Variants in NLGN1 observed in about 807,000 individuals in gnomAD.
NLGN1 encodes neuroligin 1, also known as neuroligin-1.
Under a neutral mutation model 65.5 loss-of-function variants are expected in NLGN1, and 12 were observed. The ratio of observed to expected loss-of-function variants is 0.18; its 90% CI spans 0.12 to 0.30. The LOEUF (loss-of-function observed/expected upper bound fraction) is 0.30. Ranked by LOEUF, NLGN1 falls within the 10% of genes least tolerant of loss-of-function variation. The pLI is 1.00. For synonymous variants in NLGN1, 350 were observed against 359.5 expected, an observed-to-expected ratio of 0.97 and a Z score of 0.30; for missense variants, 750 against 1,007.1, an observed-to-expected ratio of 0.74 and a Z score of 3.46.
intron 4 of NLGN1, among the ~76,000 whole-genome samples, chr3:173,837,149 A>G (rs1723780094): frequency 6.6e-6 from 1 of 152,126 alleles, no homozygotes; most frequent in Non-Finnish European, 1.5e-5. Flanking sequence ...CTTTTTCCCC[A>G]AACTAAACAT....
At chr3:173,458,484 A>G (rs954222155) in intron 2 of NLGN1, among the ~76,000 whole-genome samples, 1 of 152,000 alleles carries the variant, frequency 6.6e-6, no homozygotes, top group African/African-American at 2.4e-5. Context: ...GATCATTTAA[A>G]TATGCTCAAA....
chr3:174,127,463 C>A (rs1719182237), intron 4 of NLGN1, among the ~76,000 whole-genome samples: 1 of 152,086 alleles, frequency 6.6e-6, no homozygotes, highest in Non-Finnish European at 1.5e-5. Flanking sequence ...AACAATAGCC[C>A]CTGCATTTTT....
At chr3:173,408,679 G>A (rs970706904) in intron 1 of NLGN1, among the ~76,000 whole-genome samples, 4 of 152,294 alleles carry the variant, frequency 2.6e-5, no homozygotes, top group African/African-American at 4.8e-5. Flanking sequence ...TTGGGAGGCC[G>A]AGGCGGGCGG....
At chr3:173,922,726 G>A (rs1742281504) in intron 4 of NLGN1, among the ~76,000 whole-genome samples, 1 of 151,958 alleles carries the variant, frequency 6.6e-6, no homozygotes, top group Admixed American at 6.6e-5. Flanking sequence ...AACTACTTTG[G>A]CTTCTATTCT....
intron 2 of NLGN1, among the ~76,000 whole-genome samples, chr3:173,516,353 A>G (rs1034426794): frequency 2.6e-5 from 4 of 151,988 alleles, no homozygotes; most frequent in Non-Finnish European, 5.9e-5. Flanking sequence ...CTTTTCATAT[A>G]CTGTCTTCAT....
At chr3:174,112,833 A>G (rs1715535947) in intron 4 of NLGN1, among the ~76,000 whole-genome samples, 1 of 151,954 alleles carries the variant, frequency 6.6e-6, no homozygotes, top group Non-Finnish European at 1.5e-5. Flanking sequence ...CACGGTGATT[A>G]GTATATAGTA....
chr3:173,788,229 A>G lies in NLGN1; in HGVS notation c.494-19451A>G, dbSNP rs566134592. 1.4e-3 allele frequency among the ~76,000 whole-genome samples: 200 copies of G among 147,200 alleles called. 1 individual carries two copies. Among genetic ancestry groups the G allele is most frequent in the African/African-American group, 4.9e-3 (192 of 39,088 alleles). Reference sequence around the variant, plus strand: ...TGCAAAAAAAAAAAAAAAAAAAAAGAAAAAGTTTATTTTTATCTTTACTTG... The same window carrying G: ...TGCAAAAAAAAAAAAAAAAAAAAAGGAAAAGTTTATTTTTATCTTTACTTG... On this transcript the variant is annotated intron_variant, in intron 3 of 6. Coordinates refer to ENST00000457714, the Ensembl canonical transcript of NLGN1.
intron 4 of NLGN1, among the ~76,000 whole-genome samples, chr3:174,255,153 T>TA (rs1002431931): frequency 6.6e-6 from 1 of 152,064 alleles, no homozygotes; most frequent in Non-Finnish European, 1.5e-5. Flanking sequence ...AGCGAAACCT[T>TA]AGAGACAGAA....
chr3:174,110,737 T>C (rs2152616476), intron 4 of NLGN1, among the ~76,000 whole-genome samples: 1 of 152,128 alleles, frequency 6.6e-6, no homozygotes, highest in Non-Finnish European at 1.5e-5. Context: ...GATGACTTTT[T>C]CCCTAAATTA....
chr3:173,435,641 C>T (rs977259004), intron 2 of NLGN1, among the ~76,000 whole-genome samples: 2 of 152,126 alleles, frequency 1.3e-5, no homozygotes, highest in Admixed American at 6.5e-5. Context: ...TCAAGACCAT[C>T]CTAGCCAACA....
exon 7 of NLGN1, chr3:174,283,332 G>T (rs1410141112): frequency 6.6e-6 from 1 of 151,176 alleles, no homozygotes; most frequent in East Asian, 2.0e-4. Flanking sequence ...AAAAGCTCCA[G>T]AAATCCATGA....
At chr3:174,260,057 G>A (rs1746575977) in intron 4 of NLGN1, among the ~76,000 whole-genome samples, 1 of 151,922 alleles carries the variant, frequency 6.6e-6, no homozygotes, top group Non-Finnish European at 1.5e-5. Flanking sequence ...GTGTATATGT[G>A]CCACATTTTC....
intron 4 of NLGN1, among the ~76,000 whole-genome samples, chr3:174,248,236 G>A (rs1259377213): frequency 2.0e-5 from 3 of 152,094 alleles, no homozygotes; most frequent in Non-Finnish European, 4.4e-5. Flanking sequence ...TTGTACATAT[G>A]GCATACTGTG....
intron 3 of NLGN1, among the ~76,000 whole-genome samples, chr3:173,761,968 T>A (rs1778027806): frequency 6.6e-6 from 1 of 152,058 alleles, no homozygotes; most frequent in African/African-American, 2.4e-5. Flanking sequence ...AAAGAAATAA[T>A]CCAAGAAAGC....
At chr3:173,825,633 C>T (rs1721189769) in intron 4 of NLGN1, among the ~76,000 whole-genome samples, 2 of 152,174 alleles carry the variant, frequency 1.3e-5, no homozygotes, top group South Asian at 2.1e-4. Flanking sequence ...TTAACCTGAT[C>T]TTTATTTACA....
At chr3:173,632,845 TTTTG>T (rs1245556731) in intron 3 of NLGN1, among the ~76,000 whole-genome samples, 10 of 74,426 alleles carry the variant, frequency 1.3e-4, no homozygotes, top group South Asian at 5.8e-4. Flanking sequence ...GTGTTTTTTT[TTTTG>T]TTTTTTTTTT....
intron 2 of NLGN1, among the ~76,000 whole-genome samples, chr3:173,479,469 A>G (rs1726867303): frequency 1.3e-5 from 2 of 152,212 alleles, no homozygotes; most frequent in African/African-American, 4.8e-5. Context: ...CAATCGTGAA[A>G]TCTGGTGGTG....
At chr3:173,836,365 C>T (rs1001046527) in intron 4 of NLGN1, among the ~76,000 whole-genome samples, 17 of 152,022 alleles carry the variant, frequency 1.1e-4, no homozygotes, top group African/African-American at 4.1e-4. Context: ...CATATTATCA[C>T]AAGTGCTGTT....
At chr3:173,483,495 CAGTT>C (rs1727642848) in intron 2 of NLGN1, among the ~76,000 whole-genome samples, 1 of 151,942 alleles carries the variant, frequency 6.6e-6, no homozygotes, top group East Asian at 1.9e-4. Context: ...GAAAGGATAA[CAGTT>C]TATCATTCAA....
Sources: allele counts gnomAD v4.1 joint callset (sites outside exome capture counted in the v4.1 genomes callset), GRCh38; gene constraint gnomAD v4.1.1; transcripts MANE v1.5; gene names NCBI Gene and HGNC (gene_info 2026-07-23, HGNC 2026-07-21).